The following PACSIN2 variants were observed in gnomAD, a reference collection of about 807,000 sequenced individuals.
PACSIN2 encodes the protein protein kinase C and casein kinase substrate in neurons protein 2.
Under a neutral mutation model 63.8 loss-of-function variants are expected in PACSIN2, and 25 were observed. The ratio of observed to expected loss-of-function variants is 0.39; its 90% confidence interval spans 0.29 to 0.55. PACSIN2 has a LOEUF of 0.55. Ranked by LOEUF, PACSIN2 falls within the 20% of genes least tolerant of loss-of-function variation. The pLI, the probability that PACSIN2 is intolerant of heterozygous loss-of-function variation, is 0.62. For synonymous variants in PACSIN2, 255 were observed against 256.2 expected (o/e 1.00, Z 0.05); for missense variants, 518 against 646.9 (o/e 0.80, Z 2.16).
chr22:42,914,902 T>C (rs1376854991), intron 1 of PACSIN2, among the ~76,000 whole-genome samples: 2 of 152,156 alleles, frequency 1.3e-5, no homozygotes. Context: ...TTGTCTGTCA[T>C]CCAAGCTGGA....
chr22:42,877,863 GC>G (rs1928763184), intron 8 of PACSIN2, among the ~76,000 whole-genome samples: 1 of 152,142 alleles, frequency 6.6e-6, no homozygotes, highest in Non-Finnish European at 1.5e-5. Context: ...CAGGGCACAG[GC>G]CCCCAAAGCA....
At chr22:42,942,062 C>A (rs1933191570) in intron 1 of PACSIN2, among the ~76,000 whole-genome samples, 1 of 151,866 alleles carries the variant, frequency 6.6e-6, no homozygotes, top group South Asian at 2.1e-4. Context: ...CAGGAGTGAG[C>A]CACTGTGTCC....
intron 2 of PACSIN2, among the ~76,000 whole-genome samples, chr22:42,899,807 C>T (rs1406617901): frequency 6.6e-6 from 1 of 152,202 alleles, no homozygotes; most frequent in Non-Finnish European, 1.5e-5. Flanking sequence ...ATGTGCGCGA[C>T]TACGCCGACA....
chr22:42,893,138 C>T lies in PACSIN2; in HGVS notation c.217+319G>A, dbSNP rs112830718. 2.4e-4 allele frequency among the ~76,000 whole-genome samples: 36 copies of T among 152,344 alleles called. 1 individual carries two copies. The South Asian group carries it at 4.6e-3, about 19-fold the overall frequency. On this transcript the variant is annotated intron_variant, in intron 3 of 10. Coordinates refer to ENST00000263246, the MANE Select transcript of PACSIN2 (RefSeq NM_001184970.3). ...CAGTGTTAGAAACTAAGGTGCCAAG[C>T]GGCAAGGCCTTCCACGTGATAGGAA...
chr22:42,962,786 G>GGGGGGT (rs1569329765), intron 1 of PACSIN2, among the ~76,000 whole-genome samples: 1 of 131,394 alleles, frequency 7.6e-6, no homozygotes, highest in Non-Finnish European at 1.6e-5. Flanking sequence ...GGGGGGGGGG[G>GGGGGGT]GCGGCGCAGA....
intron 1 of PACSIN2, among the ~76,000 whole-genome samples, chr22:43,005,906 G>T (rs1924060847): frequency 6.6e-6 from 1 of 152,010 alleles, no homozygotes; most frequent in African/African-American, 2.4e-5. Context: ...TAGGGCCTTT[G>T]GAAGCTAATT....
intron 1 of PACSIN2, among the ~76,000 whole-genome samples, chr22:42,934,232 A>G (rs1932843055): frequency 6.6e-6 from 1 of 152,234 alleles, no homozygotes. Context: ...ACCATACTAA[A>G]TTCAAAACAT....
At chr22:42,999,363 G>T (rs369963580) in intron 1 of PACSIN2, among the ~76,000 whole-genome samples, 1 of 152,116 alleles carries the variant, frequency 6.6e-6, no homozygotes, top group Non-Finnish European at 1.5e-5. Flanking sequence ...GTGTGTGTAC[G>T]GAGGCATTAA....
At chr22:43,005,610 A>T (rs1317255799) in intron 1 of PACSIN2, among the ~76,000 whole-genome samples, 2 of 152,198 alleles carry the variant, frequency 1.3e-5, no homozygotes, top group Non-Finnish European at 2.9e-5. Context: ...GAAAGGTCCA[A>T]AAAGTTCTGG....
At chr22:42,953,432 T>C (rs1387237303) in intron 1 of PACSIN2, among the ~76,000 whole-genome samples, 3 of 152,212 alleles carry the variant, frequency 2.0e-5, no homozygotes, top group Non-Finnish European at 4.4e-5. Context: ...GCAAATTGCA[T>C]TGAAGGGCCT....
At chr22:42,936,917 AGG>A (rs34212391) in intron 1 of PACSIN2, among the ~76,000 whole-genome samples, 6 of 117,128 alleles carry the variant, frequency 5.1e-5, no homozygotes, top group Non-Finnish European at 1.0e-4. Flanking sequence ...CCTCAAAAAA[AGG>A]GGGGGGGGCA....
At chr22:42,878,386 G>C (rs886781609) in intron 8 of PACSIN2, among the ~76,000 whole-genome samples, 2 of 152,186 alleles carry the variant, frequency 1.3e-5, no homozygotes, top group African/African-American at 4.8e-5. Context: ...AGCCTTCTTA[G>C]GAAGCCCCCG....
chr22:42,881,351 G>A (rs1929059675), intron 7 of PACSIN2, among the ~76,000 whole-genome samples: 1 of 152,164 alleles, frequency 6.6e-6, no homozygotes, highest in African/African-American at 2.4e-5. Flanking sequence ...TGGGAAAACT[G>A]AGTCACAAAA....
chr22:42,927,252 T>A (rs1932595539), intron 1 of PACSIN2, among the ~76,000 whole-genome samples: 1 of 149,198 alleles, frequency 6.7e-6, no homozygotes, highest in South Asian at 2.1e-4. Flanking sequence ...TCCAGTTACT[T>A]TTTTTTTTTT....
intron 1 of PACSIN2, among the ~76,000 whole-genome samples, chr22:42,983,382 T>A (rs1471986547): frequency 7.1e-6 from 1 of 140,062 alleles, no homozygotes; most frequent in African/African-American, 2.7e-5. Context: ...CCCAGCTACT[T>A]GGGAGGCTGA....
intron 8 of PACSIN2, among the ~76,000 whole-genome samples, chr22:42,877,784 A>G (rs1368332506): frequency 6.6e-6 from 1 of 152,110 alleles, no homozygotes; most frequent in Non-Finnish European, 1.5e-5. Context: ...CTGGCACCCC[A>G]CCAAGTAACT....
At chr22:42,894,533 G>A (rs1217582772) in intron 2 of PACSIN2, among the ~76,000 whole-genome samples, 1 of 152,212 alleles carries the variant, frequency 6.6e-6, no homozygotes, top group African/African-American at 2.4e-5. Context: ...GAGGCACCGC[G>A]CCCAGCCCAA....
chr22:42,921,728 T>G (rs1012368020), intron 1 of PACSIN2, among the ~76,000 whole-genome samples: 5 of 148,880 alleles, frequency 3.4e-5, no homozygotes, highest in Non-Finnish European at 7.5e-5. Context: ...TTTTGGAAAC[T>G]TCATTTAGAA....
intron 1 of PACSIN2, among the ~76,000 whole-genome samples, chr22:43,007,968 C>G (rs539147741): frequency 9.3e-4 from 141 of 152,294 alleles, no homozygotes; most frequent in Non-Finnish European, 1.7e-3. Flanking sequence ...AAAGCAGGTA[C>G]TTCCACGGGC....
Sources: allele counts gnomAD v4.1 joint callset (sites outside exome capture counted in the v4.1 genomes callset), GRCh38; gene constraint gnomAD v4.1.1; transcripts MANE v1.5; gene names NCBI Gene and HGNC (gene_info 2026-07-23, HGNC 2026-07-21).